The following RBFOX1 variants were observed in gnomAD, a reference collection of about 807,000 sequenced individuals.
The protein encoded by RBFOX1 is RNA binding fox-1 homolog 1.
A neutral mutation model predicts 57.7 loss-of-function variants in RBFOX1; 8 were observed. That is an observed-to-expected ratio of 0.14 (90% CI 0.08 to 0.25). The LOEUF (loss-of-function observed/expected upper bound fraction) is 0.25. Among genes scored for constraint, RBFOX1 ranks in the 10% least tolerant of loss-of-function variants. The pLI is 1.00. For missense variants in RBFOX1, 611 were observed against 548.5 expected, an observed-to-expected ratio of 1.11 and a Z score of -1.14; for synonymous variants, 326 against 222.4, an observed-to-expected ratio of 1.47 and a Z score of -4.15.
At position 6,836,168 on chromosome 16, in the gene RBFOX1, G is replaced by T. The variant is rs545617921; in HGVS notation, c.-16+181518G>T. On this transcript the variant is annotated intron_variant, in intron 3 of 15. Transcript: ENST00000550418. ...GGGTGAACCATTAATACGTCACCGG[G>T]TAACGCATTATTGAATATGTTAGTC... Among the ~76,000 whole-genome samples, 6 of 152,286 alleles carry T rather than the reference G, an allele frequency of 3.9e-5. No homozygotes were observed. The South Asian group carries it at 1.2e-3, about 32-fold the overall frequency.
At chr16:7,136,923 G>A (rs998401618) in intron 4 of RBFOX1, among the ~76,000 whole-genome samples, 7 of 152,204 alleles carry the variant, frequency 4.6e-5, no homozygotes, top group East Asian at 1.9e-4. Context: ...AGTTTGCGCT[G>A]GGGCCCTTTC....
chr16:6,421,028 C>T (rs891973023), intron 2 of RBFOX1, among the ~76,000 whole-genome samples: 1 of 152,194 alleles, frequency 6.6e-6, no homozygotes, highest in Non-Finnish European at 1.5e-5. Context: ...CACTATTCCT[C>T]AATGGCTAAT....
At chr16:7,464,426 T>A (rs940706086) in intron 4 of RBFOX1, among the ~76,000 whole-genome samples, 4 of 151,732 alleles carry the variant, frequency 2.6e-5, no homozygotes, top group Non-Finnish European at 1.5e-5. Context: ...CACTGGAGGA[T>A]GGTGGTCACT....
intron 3 of RBFOX1, among the ~76,000 whole-genome samples, chr16:6,951,321 A>G (rs1332500255): frequency 6.6e-6 from 1 of 152,150 alleles, no homozygotes; most frequent in Non-Finnish European, 1.5e-5. Flanking sequence ...TACTGGAGTC[A>G]TTGTCATTAT....
chr16:5,273,775 G>C (rs2063074657), intron 1 of RBFOX1, among the ~76,000 whole-genome samples: 1 of 152,170 alleles, frequency 6.6e-6, no homozygotes, highest in African/African-American at 2.4e-5. Context: ...AAAAAAGGCT[G>C]ATGGATCATG....
intron 4 of RBFOX1, among the ~76,000 whole-genome samples, chr16:7,161,228 G>T (rs549368037): frequency 6.6e-6 from 1 of 152,316 alleles, no homozygotes; most frequent in South Asian, 2.1e-4. Flanking sequence ...AGGCAGGTTC[G>T]TGGAGAAAGA....
At position 7,560,532 on chromosome 16, in the gene RBFOX1, C is replaced by CAA. The variant is rs35756861; in HGVS notation, c.271-19232_271-19231dup. 6.5e-3 allele frequency among the ~76,000 whole-genome samples: 886 copies of CAA among 135,854 alleles called. 6 individuals carry two copies. The highest frequency in any genetic ancestry group is 0.021 in the African/African-American group (759 of 36,396). The allele number at this position is 135,854 out of a possible 152,430, so 89.1% of individuals were successfully genotyped here. ...TATCTTGCATTTTTATGTAGAGTAT[C>CAA]AAAAAAAAAAAAAAGCAAAAATTGT... On this transcript the variant is annotated intron_variant, in intron 5 of 15. Transcript: ENST00000550418.
At position 6,840,666 on chromosome 16, in the gene RBFOX1, A is replaced by G. The variant is rs149531724; in HGVS notation, c.-16+186016A>G. On this transcript the variant is annotated intron_variant, in intron 3 of 15. Transcript: ENST00000550418. The stretch of plus-strand genomic sequence containing the variant: ...CACTTTGGGAGGCCGAGGCTGGTGG[A>G]TCATGAGGTCAACAGATCGAGACCA... Among the ~76,000 whole-genome samples, 9 of 152,102 alleles carry G rather than the reference A, an allele frequency of 5.9e-5. No homozygotes were observed. The East Asian group carries it at 1.6e-3, about 26-fold the overall frequency.
chr16:6,727,724 G>A (rs893342176), intron 3 of RBFOX1, among the ~76,000 whole-genome samples: 4 of 152,166 alleles, frequency 2.6e-5, no homozygotes, highest in Non-Finnish European at 4.4e-5. Flanking sequence ...GCTCACACGT[G>A]TGAGTCTCTC....
At chr16:7,343,799 G>A (rs927897369) in intron 4 of RBFOX1, among the ~76,000 whole-genome samples, 4 of 152,132 alleles carry the variant, frequency 2.6e-5, no homozygotes, top group Admixed American at 1.3e-4. Flanking sequence ...GATGCCATTT[G>A]CTACCTGTGT....
chr16:5,796,329 A>G (rs112061887), intron 3 of RBFOX1, among the ~76,000 whole-genome samples: 8 of 152,326 alleles, frequency 5.3e-5, no homozygotes, highest in African/African-American at 1.7e-4. Flanking sequence ...TTGCCAAGCT[A>G]TGGCCACGAG....
intron 4 of RBFOX1, among the ~76,000 whole-genome samples, chr16:7,125,054 T>A (rs1241487414): frequency 6.6e-6 from 1 of 152,038 alleles, no homozygotes; most frequent in Non-Finnish European, 1.5e-5. Flanking sequence ...ACATTGAGGT[T>A]TGGATGAAGA....
chr16:6,422,355 G>T (rs116750392), intron 2 of RBFOX1, among the ~76,000 whole-genome samples: 2,181 of 152,008 alleles, frequency 0.014, 51 homozygotes, highest in African/African-American at 0.048. Context: ...CAGGTAGTGA[G>T]TGTAGTACCC....
At chr16:5,796,769 A>T (rs1012496723) in intron 3 of RBFOX1, among the ~76,000 whole-genome samples, 1 of 152,068 alleles carries the variant, frequency 6.6e-6, no homozygotes, top group African/African-American at 2.4e-5. Flanking sequence ...CTAAGATTCA[A>T]CCCCAGCTCT....
intron 1 of RBFOX1, among the ~76,000 whole-genome samples, chr16:5,261,927 A>C (rs1349551891): frequency 6.6e-6 from 1 of 152,130 alleles, no homozygotes; most frequent in Non-Finnish European, 1.5e-5. Context: ...TAGTTTCTTC[A>C]TGAAGAGGCC....
intron 2 of RBFOX1, among the ~76,000 whole-genome samples, chr16:6,630,328 A>AATCC (rs1477424566): frequency 6.6e-6 from 1 of 152,146 alleles, no homozygotes. Flanking sequence ...TTAATTTCAA[A>AATCC]ATCCATCCAT....
intron 1 of RBFOX1, among the ~76,000 whole-genome samples, chr16:5,457,405 G>C (rs1036606933): frequency 3.9e-5 from 6 of 152,180 alleles, no homozygotes; most frequent in African/African-American, 1.4e-4. Flanking sequence ...AAAGTGCTGG[G>C]ATTACAAGTG....
intron 3 of RBFOX1, among the ~76,000 whole-genome samples, chr16:5,782,938 C>G (rs2054371802): frequency 2.0e-5 from 3 of 152,142 alleles, no homozygotes; most frequent in Non-Finnish European, 4.4e-5. Context: ...TGTAGGCCCT[C>G]CATGGATTGG....
rs75333561 is a variant in RBFOX1, at chr16:7,192,461, G to T, written c.27+140363G>T. On this transcript the variant is annotated intron_variant, in intron 4 of 15. Transcript: ENST00000550418. ...GTCCCTTCAATGGAGATTATAATAC[G>T]TGGAATGTAGTAAAGTACTTAGCAA... Among the ~76,000 whole-genome samples the T allele has an allele frequency of 1.1e-3, 167 of 152,234 alleles. 6 individuals carry two copies. The East Asian group carries it at 0.027, about 25-fold the overall frequency.
Sources: allele counts gnomAD v4.1 joint callset (sites outside exome capture counted in the v4.1 genomes callset), GRCh38; gene constraint gnomAD v4.1.1; transcripts MANE v1.5; gene names NCBI Gene and HGNC (gene_info 2026-07-23, HGNC 2026-07-21).